Variants in SDHC observed in about 807,000 individuals in gnomAD.
SDHC encodes the protein succinate dehydrogenase complex subunit C.
SDHC carries 11 observed loss-of-function variants against 22.6 expected under a neutral mutation model. That is an observed-to-expected ratio of 0.49 (90% CI 0.31 to 0.81). SDHC has a LOEUF of 0.81. Among genes scored for constraint, SDHC ranks in the 30% least tolerant of loss-of-function variants. The pLI is 0.05. For missense variants in SDHC, 160 were observed against 212.0 expected, an observed-to-expected ratio of 0.75 and a Z score of 1.52; for synonymous variants, 80 against 77.8, an observed-to-expected ratio of 1.03 and a Z score of -0.15.
chr1:161,343,751 C>A (rs1267235137), intron 4 of SDHC, among the ~76,000 whole-genome samples: 1 of 152,088 alleles, frequency 6.6e-6, no homozygotes, highest in Non-Finnish European at 1.5e-5. Context: ...TCCTAAAAAT[C>A]ACTGAAAGAA....
intron 1 of SDHC, among the ~76,000 whole-genome samples, chr1:161,322,051 A>G (rs936080306): frequency 3.3e-5 from 5 of 152,176 alleles, no homozygotes; most frequent in Admixed American, 3.3e-4. Context: ...GACCAGAAAT[A>G]TTTAGGATTT....
chr1:161,330,947 G>A (rs1302968486), intron 3 of SDHC, among the ~76,000 whole-genome samples: 2 of 149,210 alleles, frequency 1.3e-5, no homozygotes, highest in Non-Finnish European at 1.5e-5. Flanking sequence ...GCAGTGAGCC[G>A]AGATTGCGAG....
At chr1:161,317,683 T>C (rs1670677094) in intron 1 of SDHC, among the ~76,000 whole-genome samples, 1 of 147,172 alleles carries the variant, frequency 6.8e-6, no homozygotes, top group Non-Finnish European at 1.5e-5. Context: ...TGGCTCAGCC[T>C]CCCAAGCAGC....
chr1:161,330,829 G>A (rs1348401334), intron 3 of SDHC, among the ~76,000 whole-genome samples: 1 of 152,120 alleles, frequency 6.6e-6, no homozygotes, highest in East Asian at 1.9e-4. Flanking sequence ...GTGAAACCCT[G>A]TCTCTACGAA....
intron 1 of SDHC, 200 bp downstream of exon 1, chr1:161,314,625 G>A (rs1056002837): frequency 3.2e-6 from 2 of 625,608 alleles, no homozygotes; most frequent in Non-Finnish European, 5.7e-6. Flanking sequence ...AGGGCTTCGG[G>A]GTCACTGACT....
chr1:161,348,709 A>ATGTGG (rs1303513213), intron 4 of SDHC, among the ~76,000 whole-genome samples: 2 of 148,496 alleles, frequency 1.3e-5, no homozygotes, highest in Non-Finnish European at 3.0e-5. Context: ...TGGGTGGCGC[A>ATGTGG]TGGCTATAAT....
At chr1:161,341,103 G>T (rs1283687782) in intron 4 of SDHC, among the ~76,000 whole-genome samples, 2 of 152,162 alleles carry the variant, frequency 1.3e-5, no homozygotes, top group Non-Finnish European at 2.9e-5. Context: ...GCCTTCCAAA[G>T]TGCTGGGATT....
At chr1:161,353,202 G>A (rs755507708) in intron 4 of SDHC, among the ~76,000 whole-genome samples, 2 of 152,008 alleles carry the variant, frequency 1.3e-5, no homozygotes, top group Non-Finnish European at 2.9e-5. Context: ...AGAGTAGGTG[G>A]TGTTATCCTA....
intron 3 of SDHC, among the ~76,000 whole-genome samples, chr1:161,334,569 C>G (rs1299648611): frequency 6.6e-6 from 1 of 152,028 alleles, no homozygotes; most frequent in Non-Finnish European, 1.5e-5. Context: ...CTCCCAAGTA[C>G]CTGGGACTAT....
chr1:161,358,724 C>T (rs924212037), intron 5 of SDHC, among the ~76,000 whole-genome samples: 3 of 151,774 alleles, frequency 2.0e-5, no homozygotes, highest in Admixed American at 6.6e-5. Context: ...GCCGGGAGTT[C>T]GAGACCAGCC....
chr1:161,324,857 T>TA (rs1474767796), intron 2 of SDHC, among the ~76,000 whole-genome samples: 5 of 152,216 alleles, frequency 3.3e-5, no homozygotes, highest in Non-Finnish European at 7.3e-5. Flanking sequence ...TCTTATCTGA[T>TA]ACACAGTTGA....
chr1:161,330,006 T>A (rs374359501), intron 3 of SDHC, among the ~76,000 whole-genome samples: 3 of 152,330 alleles, frequency 2.0e-5, no homozygotes, highest in African/African-American at 7.2e-5. Flanking sequence ...GGTCTTTAAT[T>A]TAATAATATC....
intron 4 of SDHC, among the ~76,000 whole-genome samples, chr1:161,350,690 T>A (rs757577857): frequency 5.8e-4 from 89 of 152,236 alleles, no homozygotes; most frequent in Non-Finnish European, 1.1e-3. Flanking sequence ...TTATATTCTT[T>A]CTCAGGATAC....
chr1:161,323,612 A>G lies in SDHC; in HGVS notation c.21-2A>G, dbSNP rs1131691062. On this transcript the variant is annotated splice_acceptor_variant, in intron 1 of 5. Transcript: ENST00000367975. LOFTEE classifies it high-confidence loss of function. ...TTGATTTTTGATTCTCTTATCTTGC[A>G]GACACGTTGGTCGTCATTGCCTCCG... The G allele has an allele frequency of 6.2e-7, 1 of 1,612,754 alleles. No homozygotes were observed. Among genetic ancestry groups the G allele is most frequent in the African/African-American group, 1.3e-5 (1 of 75,016 alleles).
At chr1:161,362,254 A>G (rs936343623) in intron 5 of SDHC, 75 bp from the exon 6 acceptor site, 2 of 1,520,448 alleles carry the variant, frequency 1.3e-6, no homozygotes, top group Non-Finnish European at 1.8e-6. Context: ...TTTAGGTAGA[A>G]TTACTTTCTG....
At chr1:161,326,756 G>A (rs571407455) in intron 2 of SDHC, 2 of 151,506 alleles carry the variant, frequency 1.3e-5, no homozygotes, top group South Asian at 4.2e-4. Context: ...CTCCTAAGTA[G>A]CCGGAATTAC....
intron 1 of SDHC, among the ~76,000 whole-genome samples, chr1:161,321,464 A>G (rs1670834270): frequency 6.6e-6 from 1 of 152,218 alleles, no homozygotes; most frequent in Admixed American, 6.5e-5. Context: ...CACGCCATAG[A>G]TTCCAACCCA....
rs1302367171 is a variant in SDHC, at chr1:161,316,573, T to C, written c.20+2148T>C. Among the ~76,000 whole-genome samples, 3 of 152,342 alleles carry C rather than the reference T, an allele frequency of 2.0e-5. No individual in the cohort carries two copies. The East Asian group carries it at 5.8e-4, about 29-fold the overall frequency. On this transcript the variant is annotated intron_variant, in intron 1 of 5. Transcript: ENST00000367975. ...ATGTCTGCTTTCTATACGGACACCTTAACAATCTGATCTCTCTTTCTTTTC... is the reference window on the plus strand; with the variant it reads ...ATGTCTGCTTTCTATACGGACACCTCAACAATCTGATCTCTCTTTCTTTTC...
intron 3 of SDHC, among the ~76,000 whole-genome samples, chr1:161,331,080 A>G (rs1381513876): frequency 2.0e-5 from 3 of 151,192 alleles, no homozygotes; most frequent in Non-Finnish European, 4.4e-5. Context: ...ACGTTCCCTT[A>G]TAGAATTTTC....
Sources: gnomAD v4.1 joint callset for allele counts (sites outside exome capture counted in the v4.1 genomes callset) on GRCh38, gnomAD v4.1.1 for gene constraint, MANE v1.5 for transcripts, NCBI Gene and HGNC (gene_info 2026-07-23, HGNC 2026-07-21) for gene names.